SCHIP1: variants seen among roughly 807,000 people sequenced by gnomAD.
SCHIP1 encodes schwannomin interacting protein 1.
A neutral mutation model predicts 29.7 loss-of-function variants in SCHIP1; 8 were observed. That is an observed-to-expected ratio of 0.27 (90% CI 0.16 to 0.49). The LOEUF (loss-of-function observed/expected upper bound fraction) is 0.49, where lower values mean the gene tolerates loss of function less well. Among genes scored for constraint, SCHIP1 ranks in the 20% least tolerant of loss-of-function variants. SCHIP1 has a pLI of 0.99. For synonymous variants in SCHIP1, 76 were observed against 94.9 expected (o/e 0.80, Z 1.16); for missense variants, 193 against 294.6 (o/e 0.66, Z 2.52).
At chr3:159,535,349 G>T in the SCHIP1 span, among the ~76,000 whole-genome samples, 1 of 152,006 alleles carries the variant, frequency 6.6e-6, no homozygotes, top group Non-Finnish European at 1.5e-5. Context: ...GATCTCTCAG[G>T]TCACTATCCT....
the SCHIP1 span, among the ~76,000 whole-genome samples, chr3:159,767,632 A>G: frequency 6.6e-6 from 1 of 152,210 alleles, no homozygotes; most frequent in Non-Finnish European, 1.5e-5. Context: ...GCTTCTCTTC[A>G]CCAAGTAAGC....
At chr3:159,463,673 C>G in the SCHIP1 span, among the ~76,000 whole-genome samples, 1 of 151,976 alleles carries the variant, frequency 6.6e-6, no homozygotes, top group African/African-American at 2.4e-5. Flanking sequence ...CTTAATTGCT[C>G]TTCTCCCCAA....
At chr3:159,310,641 T>A in the SCHIP1 span, among the ~76,000 whole-genome samples, 1 of 152,152 alleles carries the variant, frequency 6.6e-6, no homozygotes, top group East Asian at 1.9e-4. Flanking sequence ...TATAAAATGA[T>A]AACACAATGA....
chr3:159,401,189 C>A, the SCHIP1 span: 1 of 967,958 alleles, frequency 1.0e-6, no homozygotes, highest in Non-Finnish European at 1.2e-6. Flanking sequence ...TAATATTACA[C>A]AAATAAATAC....
the SCHIP1 span, among the ~76,000 whole-genome samples, chr3:159,610,754 T>C: frequency 1.3e-5 from 2 of 152,090 alleles, no homozygotes; most frequent in African/African-American, 4.8e-5. Flanking sequence ...TCTCTATTGC[T>C]CTTCAGAGCT....
the SCHIP1 span, among the ~76,000 whole-genome samples, chr3:159,327,537 A>G: frequency 1.6e-3 from 241 of 152,286 alleles, 1 homozygote; most frequent in African/African-American, 5.5e-3. Context: ...TCCTAGTAAT[A>G]TGTTGGTAAG....
chr3:159,472,743 A>C, the SCHIP1 span, among the ~76,000 whole-genome samples: 3 of 152,202 alleles, frequency 2.0e-5, no homozygotes, highest in South Asian at 4.1e-4. Flanking sequence ...TGTGCTGCCC[A>C]GAGGCTGTAA....
chr3:159,713,225 AAAGAAAGG>A, the SCHIP1 span, among the ~76,000 whole-genome samples: 6 of 117,274 alleles, frequency 5.1e-5, no homozygotes, highest in East Asian at 2.4e-4. Flanking sequence ...AGAGAGAGAG[AAAGAAAGG>A]AAGAAAGAAA....
the SCHIP1 span, among the ~76,000 whole-genome samples, chr3:159,568,367 TA>T: frequency 6.6e-6 from 1 of 152,136 alleles, no homozygotes; most frequent in Admixed American, 6.6e-5. Flanking sequence ...TTTCTAATTT[TA>T]AAGGGAATGT....
At chr3:159,794,328 TA>T in the SCHIP1 span, among the ~76,000 whole-genome samples, 1 of 152,212 alleles carries the variant, frequency 6.6e-6, no homozygotes, top group Non-Finnish European at 1.5e-5. Context: ...ATGATTTCTT[TA>T]AAAGGCTGCC....
intron 1 of SCHIP1, among the ~76,000 whole-genome samples, chr3:159,842,590 C>T (rs772306219): frequency 6.6e-6 from 1 of 152,080 alleles, no homozygotes; most frequent in Non-Finnish European, 1.5e-5. Context: ...TATATCAGCT[C>T]GTCCCTGCTT....
intron 1 of SCHIP1, among the ~76,000 whole-genome samples, chr3:159,858,298 A>C (rs1713629155): frequency 6.6e-6 from 1 of 152,180 alleles, no homozygotes; most frequent in African/African-American, 2.4e-5. Context: ...ACAATCATTT[A>C]GTTTTCCACT....
chr3:159,696,309 T>C, the SCHIP1 span, among the ~76,000 whole-genome samples: 1 of 152,150 alleles, frequency 6.6e-6, no homozygotes, highest in Admixed American at 6.5e-5. Flanking sequence ...ACACCTCCAT[T>C]ATCTCACATA....
the SCHIP1 span, among the ~76,000 whole-genome samples, chr3:159,530,286 C>G: frequency 1.3e-5 from 2 of 152,106 alleles, no homozygotes; most frequent in Non-Finnish European, 2.9e-5. Flanking sequence ...TCTGATGACC[C>G]AGTATCCTTA....
At chr3:159,802,040 A>G in the SCHIP1 span, among the ~76,000 whole-genome samples, 1 of 152,240 alleles carries the variant, frequency 6.6e-6, no homozygotes, top group African/African-American at 2.4e-5. Context: ...TTTAGAGACT[A>G]AACCTTATTA....
the SCHIP1 span, among the ~76,000 whole-genome samples, chr3:159,499,280 G>C: frequency 1.2e-3 from 186 of 152,258 alleles, no homozygotes; most frequent in African/African-American, 4.3e-3. Context: ...TCACAATTCA[G>C]GATCAGTCAC....
At chr3:159,793,964 C>T in the SCHIP1 span, among the ~76,000 whole-genome samples, 2 of 152,200 alleles carry the variant, frequency 1.3e-5, no homozygotes, top group Non-Finnish European at 2.9e-5. Flanking sequence ...CTATGACTCT[C>T]CTTCCTCTCT....
chr3:159,625,766 C>T, the SCHIP1 span, among the ~76,000 whole-genome samples: 1 of 152,060 alleles, frequency 6.6e-6, no homozygotes, highest in Admixed American at 6.6e-5. Context: ...CCCCACCCAC[C>T]TGCCTCTAGA....
At chr3:159,618,686 C>T in the SCHIP1 span, among the ~76,000 whole-genome samples, 1 of 152,226 alleles carries the variant, frequency 6.6e-6, no homozygotes, top group Non-Finnish European at 1.5e-5. Context: ...ACAGTTCTTG[C>T]TCATTTGTTA....
Sources: gnomAD v4.1 joint callset for allele counts (sites outside exome capture counted in the v4.1 genomes callset) on GRCh38, gnomAD v4.1.1 for gene constraint, MANE v1.5 for transcripts, NCBI Gene and HGNC (gene_info 2026-07-23, HGNC 2026-07-21) for gene names.